LRRTM4: variants seen among roughly 807,000 people sequenced by gnomAD.
The protein encoded by LRRTM4 is leucine-rich repeat transmembrane neuronal protein 4.
In LRRTM4, 25 loss-of-function variants were observed where a neutral mutation model predicts 47.6. The ratio of observed to expected loss-of-function variants is 0.53; its 90% confidence interval spans 0.38 to 0.73. LRRTM4 has a LOEUF of 0.73. Ranked by LOEUF, LRRTM4 falls within the 30% of genes least tolerant of loss-of-function variation. The pLI is 0.00. For missense variants in LRRTM4, 638 were observed against 713.4 expected (o/e 0.89, Z 1.20); for synonymous variants, 311 against 269.5 (o/e 1.15, Z -1.51).
At chr2:77,354,219 C>T (rs2104301696) in intron 3 of LRRTM4, among the ~76,000 whole-genome samples, 1 of 152,216 alleles carries the variant, frequency 6.6e-6, no homozygotes, top group East Asian at 1.9e-4. Context: ...TTCAGCTAGT[C>T]TTCAATCTGG....
At chr2:77,184,038 A>C (rs554254914) in intron 3 of LRRTM4, among the ~76,000 whole-genome samples, 25 of 152,170 alleles carry the variant, frequency 1.6e-4, no homozygotes, top group Non-Finnish European at 3.2e-4. Context: ...CATATGTAAT[A>C]AACCTGCACA....
chr2:77,054,218 G>A (rs1361203912), intron 3 of LRRTM4, among the ~76,000 whole-genome samples: 1 of 150,186 alleles, frequency 6.7e-6, no homozygotes, highest in African/African-American at 2.5e-5. Context: ...GACTGTGCAA[G>A]CTTCTAGCCA....
chr2:77,082,229 A>T (rs1680556472), intron 3 of LRRTM4, among the ~76,000 whole-genome samples: 2 of 151,978 alleles, frequency 1.3e-5, no homozygotes, highest in Admixed American at 6.6e-5. Flanking sequence ...TTGGATTTTG[A>T]TTCTGAGGCA....
intron 3 of LRRTM4, among the ~76,000 whole-genome samples, chr2:76,946,419 A>G (rs1247260910): frequency 6.6e-6 from 1 of 151,824 alleles, no homozygotes; most frequent in East Asian, 1.9e-4. Context: ...CTAATATATA[A>G]TAAATATAAA....
At chr2:76,868,463 T>C (rs1672527566) in intron 3 of LRRTM4, among the ~76,000 whole-genome samples, 3 of 152,310 alleles carry the variant, frequency 2.0e-5, no homozygotes, top group Admixed American at 1.3e-4. Flanking sequence ...GAATGTTCTT[T>C]GTACACTGTT....
intron 3 of LRRTM4, among the ~76,000 whole-genome samples, chr2:76,780,164 A>G (rs898694964): frequency 6.6e-6 from 1 of 152,132 alleles, no homozygotes; most frequent in African/African-American, 2.4e-5. Context: ...TTTGAGGGTA[A>G]CCCGACCTTT....
At chr2:76,955,809 T>G (rs561814592) in intron 3 of LRRTM4, among the ~76,000 whole-genome samples, 1 of 151,768 alleles carries the variant, frequency 6.6e-6, no homozygotes, top group South Asian at 2.1e-4. Context: ...GACACTAAAT[T>G]TACCAGTACC....
Position 77,452,696 on chromosome 2 carries a change from C to T in LRRTM4, c.1551+65622G>A, listed in dbSNP as rs570505836. Among the ~76,000 whole-genome samples, 8 of 152,228 alleles carry T rather than the reference C, an allele frequency of 5.3e-5. No individual in the cohort carries two copies. The East Asian group carries it at 1.5e-3, about 29-fold the overall frequency. On this transcript the variant is annotated intron_variant, in intron 3 of 3. Transcript: ENST00000409884. ...TTTTTAACAAGAGGCCCTGCATTTT[C>T]ATTTTGCACGGCGCCCTGCAAATTA...
intron 3 of LRRTM4, among the ~76,000 whole-genome samples, chr2:77,415,810 G>C (rs142535262): frequency 3.7e-4 from 57 of 152,174 alleles, no homozygotes; most frequent in Non-Finnish European, 7.2e-4. Flanking sequence ...AGCAGAGGTA[G>C]GTTTTGTATC....
chr2:77,383,649 AT>A (rs1673147778), intron 3 of LRRTM4, among the ~76,000 whole-genome samples: 1 of 152,126 alleles, frequency 6.6e-6, no homozygotes. Flanking sequence ...ATGTTGTGTC[AT>A]TTAATACACA....
chr2:77,129,804 C>A (rs935701584), intron 3 of LRRTM4, among the ~76,000 whole-genome samples: 1 of 152,092 alleles, frequency 6.6e-6, no homozygotes, highest in East Asian at 1.9e-4. Context: ...AATTTGTCTA[C>A]CTCATTATTA....
intron 3 of LRRTM4, among the ~76,000 whole-genome samples, chr2:77,263,416 ATGT>A (rs531236514): frequency 8.0e-4 from 122 of 152,232 alleles, no homozygotes; most frequent in Middle Eastern, 3.4e-3. Flanking sequence ...AGTTGGACAG[ATGT>A]TGTGGGGAAT....
chr2:77,077,117 A>G (rs970522019), intron 3 of LRRTM4, among the ~76,000 whole-genome samples: 1 of 152,210 alleles, frequency 6.6e-6, no homozygotes, highest in Non-Finnish European at 1.5e-5. Context: ...TACATAGAGT[A>G]TCACACCATA....
intron 3 of LRRTM4, among the ~76,000 whole-genome samples, chr2:77,223,808 C>T (rs1640909323): frequency 6.6e-6 from 1 of 152,126 alleles, no homozygotes; most frequent in South Asian, 2.1e-4. Context: ...AGATTCAATG[C>T]CATCCCTATC....
chr2:77,361,234 TAAA>T (rs34829617), intron 3 of LRRTM4, among the ~76,000 whole-genome samples: 3 of 145,426 alleles, frequency 2.1e-5, no homozygotes, highest in African/African-American at 7.6e-5. Context: ...CCTCCTTCAT[TAAA>T]AAAAAAAAAA....
intron 3 of LRRTM4, among the ~76,000 whole-genome samples, chr2:76,778,398 T>C (rs1172208981): frequency 1.4e-5 from 2 of 143,892 alleles, no homozygotes; most frequent in Non-Finnish European, 3.0e-5. Flanking sequence ...CCTGGACTCT[T>C]TTTGGTTGGT....
chr2:77,343,243 C>T (rs1671440638), intron 3 of LRRTM4, among the ~76,000 whole-genome samples: 2 of 151,906 alleles, frequency 1.3e-5, no homozygotes, highest in Admixed American at 1.3e-4. Flanking sequence ...GGAAAGCTCT[C>T]ATACTTTTTA....
rs1458636502 is a variant in LRRTM4 at position 76,779,284 on chromosome 2, G to T, written c.1552-30368C>A. Among the ~76,000 whole-genome samples, 6 of 150,156 alleles carry T rather than the reference G, an allele frequency of 4.0e-5. No individual in the cohort carries two copies. In the South Asian group the frequency reaches 6.5e-4, roughly 16 times the overall value. On this transcript the variant is annotated intron_variant, in intron 3 of 3. Transcript: ENST00000409884. The stretch of plus-strand genomic sequence containing the variant: ...TGTAGATGTCTATTAGGTCTGCTTG[G>T]TGCAGAGCTGAGTTCAATTCCTGGG...
chr2:77,006,566 G>T (rs1289176614), intron 3 of LRRTM4, among the ~76,000 whole-genome samples: 1 of 152,110 alleles, frequency 6.6e-6, no homozygotes, highest in African/African-American at 2.4e-5. Flanking sequence ...AGAGGGGTAA[G>T]AGCTAAGGAA....
Sources: gnomAD v4.1 joint callset for allele counts (sites outside exome capture counted in the v4.1 genomes callset) on GRCh38, gnomAD v4.1.1 for gene constraint, MANE v1.5 for transcripts, NCBI Gene and HGNC (gene_info 2026-07-23, HGNC 2026-07-21) for gene names.